Variants in GPC6 observed in about 807,000 individuals in gnomAD.
GPC6 encodes glypican 6.
In GPC6, 14 loss-of-function variants were observed where a neutral mutation model predicts 55.2. The ratio of observed to expected loss-of-function variants is 0.25; its 90% CI spans 0.17 to 0.40. GPC6 has a LOEUF of 0.40. Ranked by LOEUF, GPC6 falls within the 10% of genes least tolerant of loss-of-function variation. GPC6 has a pLI of 1.00. For missense variants in GPC6, 641 were observed against 708.5 expected (o/e 0.90, Z 1.08); for synonymous variants, 278 against 259.6 (o/e 1.07, Z -0.68).
chr13:94,101,542 TGGAACTCCCTC>T (rs1885861243), intron 4 of GPC6, among the ~76,000 whole-genome samples: 1 of 152,152 alleles, frequency 6.6e-6, no homozygotes, highest in Non-Finnish European at 1.5e-5. Context: ...ATAATAAAAG[TGGAACTCCCTC>T]ATAAATGATT....
At chr13:94,177,843 T>C (rs976201682) in intron 4 of GPC6, among the ~76,000 whole-genome samples, 2 of 152,156 alleles carry the variant, frequency 1.3e-5, no homozygotes, top group African/African-American at 4.8e-5. Context: ...TGACCAAGTA[T>C]AAAGACAACT....
intron 1 of GPC6, among the ~76,000 whole-genome samples, chr13:93,484,347 G>A (rs3904290): frequency 0.26 from 38,794 of 151,954 alleles, 5,271 homozygotes; most frequent in East Asian, 0.37. Flanking sequence ...GTTAAATCAG[G>A]TATGTCAGTA....
chr13:94,286,184 G>A (rs755428386), intron 4 of GPC6, among the ~76,000 whole-genome samples, 165 bp from the exon 5 acceptor site: 4 of 152,058 alleles, frequency 2.6e-5, no homozygotes, highest in South Asian at 4.1e-4. Context: ...AAATACAATC[G>A]TCCTAAGATT....
chr13:93,471,137 T>A (rs968161459), intron 1 of GPC6, among the ~76,000 whole-genome samples: 1 of 152,176 alleles, frequency 6.6e-6, no homozygotes, highest in Non-Finnish European at 1.5e-5. Context: ...CTTATTTTCT[T>A]GCTTCAACTT....
intron 4 of GPC6, among the ~76,000 whole-genome samples, chr13:94,192,263 G>A (rs1299028182): frequency 6.6e-6 from 1 of 152,148 alleles, no homozygotes; most frequent in Non-Finnish European, 1.5e-5. Context: ...GCAAATAACA[G>A]AACAATCTAT....
chr13:93,582,902 G>A (rs1877003952), intron 2 of GPC6, among the ~76,000 whole-genome samples: 1 of 152,182 alleles, frequency 6.6e-6, no homozygotes, highest in Non-Finnish European at 1.5e-5. Flanking sequence ...AGAGACAGTT[G>A]TGCAGTTTTC....
At chr13:93,378,628 G>T (rs905967661) in intron 1 of GPC6, among the ~76,000 whole-genome samples, 2 of 152,036 alleles carry the variant, frequency 1.3e-5, no homozygotes, top group African/African-American at 4.8e-5. Context: ...ATAAACATTT[G>T]GTAATGACTT....
At chr13:93,431,204 A>G (rs1346259220) in intron 1 of GPC6, among the ~76,000 whole-genome samples, 2 of 152,092 alleles carry the variant, frequency 1.3e-5, no homozygotes, top group African/African-American at 4.8e-5. Flanking sequence ...TATTACACTA[A>G]CCTAACATTT....
intron 2 of GPC6, among the ~76,000 whole-genome samples, chr13:93,606,848 C>CTAA (rs1878256935): frequency 2.0e-5 from 3 of 152,220 alleles, no homozygotes; most frequent in African/African-American, 7.2e-5. Context: ...TTTAATCCAA[C>CTAA]TGTCAATCCT....
At chr13:93,409,769 G>C (rs970378271) in intron 1 of GPC6, among the ~76,000 whole-genome samples, 1 of 152,154 alleles carries the variant, frequency 6.6e-6, no homozygotes, top group African/African-American at 2.4e-5. Context: ...AATTGTAAAC[G>C]TTTTCAATTA....
chr13:93,355,801 G>A (rs1413105234), intron 1 of GPC6, among the ~76,000 whole-genome samples: 1 of 152,152 alleles, frequency 6.6e-6, no homozygotes, highest in Non-Finnish European at 1.5e-5. Flanking sequence ...GCAGGGTGGT[G>A]CTGCACGTTA....
intron 1 of GPC6, among the ~76,000 whole-genome samples, chr13:93,276,811 C>T (rs928713941): frequency 6.6e-6 from 1 of 152,078 alleles, no homozygotes; most frequent in East Asian, 1.9e-4. Flanking sequence ...AAATAACAGC[C>T]GCAGTCCATC....
At chr13:93,826,252 T>C (rs988932387) in intron 2 of GPC6, among the ~76,000 whole-genome samples, 2 of 152,156 alleles carry the variant, frequency 1.3e-5, no homozygotes, top group South Asian at 2.1e-4. Context: ...ACCAAACTGA[T>C]TTATCATACT....
At chr13:94,192,987 G>T (rs1889447483) in intron 4 of GPC6, among the ~76,000 whole-genome samples, 1 of 151,994 alleles carries the variant, frequency 6.6e-6, no homozygotes, top group Admixed American at 6.6e-5. Context: ...CCTTATTTTT[G>T]GGGATCAGAA....
intron 3 of GPC6, among the ~76,000 whole-genome samples, chr13:93,930,490 C>G (rs571554262): frequency 6.6e-6 from 1 of 151,982 alleles, no homozygotes; most frequent in Non-Finnish European, 1.5e-5. Context: ...AGGCTGGTCT[C>G]AAACTCCTGA....
In GPC6 at chr13:93,436,240, G is replaced by A. The variant is rs145164202; in HGVS notation, c.161-109023G>A. On this transcript the variant is annotated intron_variant, in intron 1 of 8. Transcript: ENST00000377047. ...TACATATGGAGGAAAAAATGTCATT[G>A]TAAATGACATTGAAATCATCTGCAT... Among the ~76,000 whole-genome samples the A allele has an allele frequency of 1.8e-3, 275 of 152,220 alleles. 1 individual carries two copies. The highest frequency in any genetic ancestry group is 6.1e-3 in the African/African-American group (254 of 41,530).
chr13:93,629,043 A>AAC (rs1879321584), intron 2 of GPC6, among the ~76,000 whole-genome samples: 1 of 118,332 alleles, frequency 8.5e-6, no homozygotes, highest in Admixed American at 8.3e-5. Flanking sequence ...CCAGAAAAAA[A>AAC]AAAAACAAAA....
intron 3 of GPC6, among the ~76,000 whole-genome samples, chr13:93,912,381 G>C (rs76529029): frequency 6.6e-6 from 1 of 151,888 alleles, no homozygotes; most frequent in Non-Finnish European, 1.5e-5. Context: ...TTTAATTCTT[G>C]TTCATGATAG....
intron 1 of GPC6, among the ~76,000 whole-genome samples, chr13:93,433,297 G>T (rs1877439479): frequency 6.6e-6 from 1 of 152,190 alleles, no homozygotes; most frequent in East Asian, 1.9e-4. Flanking sequence ...CCCAGTGAGG[G>T]CATAGAGCAA....
Sources: gnomAD v4.1 joint callset for allele counts (sites outside exome capture counted in the v4.1 genomes callset) on GRCh38, gnomAD v4.1.1 for gene constraint, MANE v1.5 for transcripts, NCBI Gene and HGNC (gene_info 2026-07-23, HGNC 2026-07-21) for gene names.